The following NME7 variants were observed in gnomAD, a reference collection of about 807,000 sequenced individuals.
The protein encoded by NME7 is NME/NM23 family member 7.
In NME7, 41 loss-of-function variants were observed where a neutral mutation model predicts 49.1. That is an observed-to-expected ratio of 0.83 (90% CI 0.65 to 1.08). The LOEUF is 1.08. Ranked by LOEUF, NME7 falls within the 50% of genes least tolerant of loss-of-function variation. The pLI is 0.00. For synonymous variants in NME7, 139 were observed against 150.6 expected (o/e 0.92, Z 0.56); for missense variants, 423 against 463.4 (o/e 0.91, Z 0.80).
In NME7 at chr1:169,228,970, C is replaced by T. The variant is rs912081637; in HGVS notation, c.990+1748G>A. Among the ~76,000 whole-genome samples the T allele has an allele frequency of 9.2e-5, 14 of 152,150 alleles. 1 individual carries two copies. The highest frequency in any genetic ancestry group is 1.9e-4 in the East Asian group (1 of 5,200). On this transcript the variant is annotated intron_variant, in intron 10 of 11. Transcript: ENST00000367811. Reference sequence around the variant, plus strand: ...TGAAAAGATATAAAGGAGGTCCTGCCGACTTTCTCTATTGATGTCATCAGG... The same window carrying T: ...TGAAAAGATATAAAGGAGGTCCTGCTGACTTTCTCTATTGATGTCATCAGG...
rs576611817 is a variant in NME7, at chr1:169,194,887, T to C, written c.991-25333A>G. Among the ~76,000 whole-genome samples the C allele has an allele frequency of 3.3e-5, 5 of 152,278 alleles. No individual in the cohort carries two copies. In the South Asian group the frequency reaches 8.3e-4, roughly 25 times the overall value. On this transcript the variant is annotated intron_variant, in intron 10 of 11. Coordinates refer to ENST00000367811, the MANE Select transcript of NME7 (RefSeq NM_013330.5). ...CCATGGGTGACAGTTTCATGATTGG[T>C]TACTGAAGTTAACTGGAATATTATA...
In NME7 at chr1:169,282,591, T is replaced by C. The variant is rs147181994; in HGVS notation, c.754+4712A>G. Among the ~76,000 whole-genome samples, 4 of 152,324 alleles carry C rather than the reference T, an allele frequency of 2.6e-5. No individual in the cohort carries two copies. The East Asian group carries it at 7.7e-4, about 29-fold the overall frequency. On this transcript the variant is annotated intron_variant, in intron 7 of 11. Coordinates refer to ENST00000367811, the MANE Select transcript of NME7 (RefSeq NM_013330.5). ...GCTTTCTCTTGTGGGCATTTAGAGC[T>C]ATAATTTTCCATCTAAAGACTACTT...
chr1:169,256,854 G>A (rs539117491), intron 7 of NME7, among the ~76,000 whole-genome samples: 2 of 132,628 alleles, frequency 1.5e-5, no homozygotes, highest in East Asian at 2.0e-4. Context: ...TTGCTGGGGG[G>A]TGCCTCCCAG....
At chr1:169,329,325 G>A (rs1234602392) in intron 1 of NME7, among the ~76,000 whole-genome samples, 1 of 143,294 alleles carries the variant, frequency 7.0e-6, no homozygotes, top group Non-Finnish European at 1.5e-5. Context: ...TTCTGGATAA[G>A]TAATATTTGT....
chr1:169,140,237 C>T (rs967027072), intron 11 of NME7, among the ~76,000 whole-genome samples: 2 of 151,934 alleles, frequency 1.3e-5, no homozygotes, highest in African/African-American at 4.8e-5. Context: ...TTAAACTTTT[C>T]TATAAGTCTG....
At chr1:169,178,118 C>T (rs1170260932) in intron 10 of NME7, among the ~76,000 whole-genome samples, 6 of 152,106 alleles carry the variant, frequency 3.9e-5, no homozygotes, top group East Asian at 3.9e-4. Flanking sequence ...GGATTACAGG[C>T]GTGAGCCACC....
intron 4 of NME7, among the ~76,000 whole-genome samples, chr1:169,304,906 A>G (rs1025351021): frequency 6.6e-6 from 1 of 152,224 alleles, no homozygotes; most frequent in African/African-American, 2.4e-5. Context: ...GTAAAACTGA[A>G]TAACTGAAAA....
At chr1:169,242,927 A>C (rs1004236799) in intron 7 of NME7, among the ~76,000 whole-genome samples, 6 of 152,222 alleles carry the variant, frequency 3.9e-5, no homozygotes, top group African/African-American at 1.4e-4. Context: ...TGAAGAGCAT[A>C]CAGTGTTCAG....
intron 3 of NME7, among the ~76,000 whole-genome samples, chr1:169,320,418 T>C (rs1324632594): frequency 6.6e-6 from 1 of 152,156 alleles, no homozygotes; most frequent in Non-Finnish European, 1.5e-5. Context: ...TGGGGATCAA[T>C]TTCACTCATC....
At chr1:169,205,854 A>G (rs965666295) in intron 10 of NME7, among the ~76,000 whole-genome samples, 4 of 152,016 alleles carry the variant, frequency 2.6e-5, no homozygotes, top group African/African-American at 9.7e-5. Context: ...CTTCTTTCCC[A>G]TCCTGTATCT....
intron 6 of NME7, among the ~76,000 whole-genome samples, chr1:169,296,736 T>C (rs566599936): frequency 1.4e-5 from 2 of 142,520 alleles, no homozygotes; most frequent in East Asian, 1.9e-4. Context: ...GTAAATTCTA[T>C]CCTTCTGATA....
intron 11 of NME7, among the ~76,000 whole-genome samples, chr1:169,151,415 G>T (rs577153187): frequency 3.3e-5 from 5 of 152,106 alleles, no homozygotes; most frequent in African/African-American, 1.2e-4. Flanking sequence ...CTCTTCACCC[G>T]CTCCTGACTC....
chr1:169,252,629 C>T (rs193104673), intron 7 of NME7, among the ~76,000 whole-genome samples: 1 of 152,278 alleles, frequency 6.6e-6, no homozygotes, highest in African/African-American at 2.4e-5. Context: ...GACATGAAGT[C>T]GTCGCCTATG....
At chr1:169,188,774 C>T (rs546307328) in intron 10 of NME7, among the ~76,000 whole-genome samples, 1 of 152,120 alleles carries the variant, frequency 6.6e-6, no homozygotes, top group Non-Finnish European at 1.5e-5. Context: ...ATTTTGACTT[C>T]TCATATAATT....
chr1:169,233,079 T>C (rs558551845), intron 9 of NME7, among the ~76,000 whole-genome samples: 4 of 150,370 alleles, frequency 2.7e-5, no homozygotes, highest in African/African-American at 9.8e-5. Context: ...CCACCACATC[T>C]AGCTAATTTT....
intron 1 of NME7, among the ~76,000 whole-genome samples, chr1:169,355,299 AT>A (rs1300415371): frequency 2.8e-5 from 3 of 106,394 alleles, no homozygotes; most frequent in African/African-American, 1.1e-4. Context: ...ATTGTATATT[AT>A]ATATAATATA....
intron 1 of NME7, among the ~76,000 whole-genome samples, chr1:169,328,533 G>A (rs1166668924): frequency 6.6e-6 from 1 of 151,972 alleles, no homozygotes; most frequent in Non-Finnish European, 1.5e-5. Flanking sequence ...TAGGTAAATA[G>A]TTTTTTAAAG....
chr1:169,269,631 A>G (rs1423684326), intron 7 of NME7, among the ~76,000 whole-genome samples: 2 of 133,404 alleles, frequency 1.5e-5, no homozygotes, highest in African/African-American at 2.5e-5. Flanking sequence ...TACAGTGGAT[A>G]GTAAAACTCT....
At chr1:169,141,727 A>C (rs1230689638) in intron 11 of NME7, among the ~76,000 whole-genome samples, 1 of 152,240 alleles carries the variant, frequency 6.6e-6, no homozygotes, top group South Asian at 2.1e-4. Context: ...GAAAATAGAA[A>C]TAAAAATTTT....
Sources: allele counts gnomAD v4.1 joint callset (sites outside exome capture counted in the v4.1 genomes callset), GRCh38; gene constraint gnomAD v4.1.1; transcripts MANE v1.5; gene names NCBI Gene and HGNC (gene_info 2026-07-23, HGNC 2026-07-21).